Variants in SMAD6 observed in about 807,000 individuals in gnomAD.
SMAD6 encodes the protein MAD homolog 6.
Under a neutral mutation model 39.4 loss-of-function variants are expected in SMAD6, and 103 were observed. That is an observed-to-expected ratio of 2.62 (90% CI 2.23 to 3.08). SMAD6 has a LOEUF of 3.08. SMAD6 is among the 30% of genes most tolerant of loss of function. The probability of loss-of-function intolerance (pLI) is 0.00; values close to 1 mark genes in which losing one functional copy is unlikely to be tolerated. For missense variants in SMAD6, 1,104 were observed against 742.9 expected (o/e 1.49, Z -5.65); for synonymous variants, 445 against 353.3 (o/e 1.26, Z -2.91).
intron 3 of SMAD6, among the ~76,000 whole-genome samples, chr15:66,771,126 C>G (rs72758529): frequency 0.11 from 16,635 of 152,132 alleles, 961 homozygotes; most frequent in Middle Eastern, 0.16. Flanking sequence ...GACCGGTGAG[C>G]TGCAGGTGGA....
At chr15:66,722,639 C>T (rs1401443897) in intron 3 of SMAD6, among the ~76,000 whole-genome samples, 1 of 152,246 alleles carries the variant, frequency 6.6e-6, no homozygotes, top group Non-Finnish European at 1.5e-5. Flanking sequence ...GTATTTACTA[C>T]TCACATCAAT....
intron 3 of SMAD6, among the ~76,000 whole-genome samples, chr15:66,727,977 C>G (rs1170994668): frequency 6.6e-6 from 1 of 151,868 alleles, no homozygotes; most frequent in East Asian, 1.9e-4. Flanking sequence ...CTCAGCCTCC[C>G]CAAGTAGCTG....
chr15:66,771,878 G>T (rs529579344), intron 3 of SMAD6, among the ~76,000 whole-genome samples: 1 of 152,292 alleles, frequency 6.6e-6, no homozygotes, highest in African/African-American at 2.4e-5. Context: ...AGGGTAGAAT[G>T]CTTGAGTGTG....
rs4277298 is a variant in SMAD6 at position 66,775,159 on chromosome 15, G to C, written c.953-5838G>C. Among the ~76,000 whole-genome samples the C allele has an allele frequency of 0.015, 2,297 of 152,088 alleles. 113 individuals carry two copies. The East Asian group carries it at 0.18, about 12-fold the overall frequency. ...TTACAGGCATGAGCCACCATGCCTGGCCACTGTTCTGATTTACGTCGCCGT... is the reference window on the plus strand; with the variant it reads ...TTACAGGCATGAGCCACCATGCCTGCCCACTGTTCTGATTTACGTCGCCGT... On this transcript the variant is annotated intron_variant, in intron 3 of 3. Transcript: ENST00000288840.
In SMAD6 at chr15:66,713,093, G is replaced by A. The variant is rs77753639; in HGVS notation, c.874+1369G>A. 8.4e-3 allele frequency among the ~76,000 whole-genome samples: 1,281 copies of A among 152,314 alleles called. 25 individuals are homozygous for A. The highest frequency in any genetic ancestry group is 0.077 in the East Asian group (397 of 5,180). On this transcript the variant is annotated intron_variant, in intron 2 of 3. Coordinates refer to ENST00000288840, the MANE Select transcript of SMAD6 (RefSeq NM_005585.5). Reference sequence around the variant, plus strand: ...ATGGGTTCTAAGGCAGAGAAGTGATGGAATCTGTGGGATCCTGATTGTGGC... The same window carrying A: ...ATGGGTTCTAAGGCAGAGAAGTGATAGAATCTGTGGGATCCTGATTGTGGC...
intron 3 of SMAD6, among the ~76,000 whole-genome samples, chr15:66,773,737 G>A (rs1894418197): frequency 6.6e-6 from 1 of 152,192 alleles, no homozygotes; most frequent in Admixed American, 6.5e-5. Flanking sequence ...CCTGTGCAAA[G>A]GGGATTGGAA....
intron 3 of SMAD6, among the ~76,000 whole-genome samples, chr15:66,726,099 G>C (rs927702910): frequency 1.3e-5 from 2 of 152,186 alleles, no homozygotes; most frequent in Non-Finnish European, 2.9e-5. Flanking sequence ...TGGGCCCGAG[G>C]GATGTGCAGG....
intron 3 of SMAD6, among the ~76,000 whole-genome samples, chr15:66,719,106 G>A (rs1008509610): frequency 2.0e-5 from 3 of 152,242 alleles, no homozygotes; most frequent in Non-Finnish European, 4.4e-5. Flanking sequence ...AGACAGGTGT[G>A]ATTCTCCCCA....
intron 3 of SMAD6, among the ~76,000 whole-genome samples, chr15:66,741,781 A>C (rs1893819276): frequency 6.6e-6 from 1 of 151,624 alleles, no homozygotes; most frequent in African/African-American, 2.4e-5. Flanking sequence ...AGCTGTCACC[A>C]CTCCCTCACT....
At chr15:66,758,277 C>A (rs1394353571) in intron 3 of SMAD6, among the ~76,000 whole-genome samples, 1 of 152,246 alleles carries the variant, frequency 6.6e-6, no homozygotes, top group Non-Finnish European at 1.5e-5. Context: ...TCCTCTCTTT[C>A]TTCCCCATCC....
chr15:66,758,460 GCTTATGCCCGTAATCCCAGCA>G (rs1386633162), intron 3 of SMAD6, among the ~76,000 whole-genome samples: 1 of 152,210 alleles, frequency 6.6e-6, no homozygotes, highest in Non-Finnish European at 1.5e-5. Flanking sequence ...AGGTGTGGTG[GCTTATGCCCGTAATCCCAGCA>G]CTTTGGGAGG....
At position 66,703,243 on chromosome 15, in the gene SMAD6, C is replaced by T; in HGVS notation, c.-16C>T. 7.2e-7 allele frequency: 1 copy of T among 1,396,068 alleles called. No individual in the cohort carries two copies. The highest frequency in any genetic ancestry group is 9.4e-7 in the Non-Finnish European group (1 of 1,069,494). The allele number at this position is 1,396,068 out of a possible 1,614,324, so 86.5% of individuals were successfully genotyped here. On this transcript the variant is annotated 5_prime_UTR_variant, in exon 1 of 4. Transcript: ENST00000288840. ...GAGACCGCCTCCCCCCCACCCCTGGCGCCAAAGGATATCGTATGTTCAGGT... is the reference window on the plus strand; with the variant it reads ...GAGACCGCCTCCCCCCCACCCCTGGTGCCAAAGGATATCGTATGTTCAGGT...
Position 66,704,026 on chromosome 15 carries a change from C to G in SMAD6, c.768C>G (p.Gly256=), listed in dbSNP as rs770427556. The change falls in exon 1 of 4, where the codon GGC becomes GGG. Residue 256 remains glycine (G), a synonymous_variant. Coordinates refer to ENST00000288840, the MANE Select transcript of SMAD6 (RefSeq NM_005585.5). ...ACAGCTTCGCCGCCGCCGCCGACGG[C>G]CCTACCGTGTGCTGCAACCCCTACC... ...GCHSFAAAAD[G]PTVCCNPYHF... The G allele has an allele frequency of 8.6e-6, 13 of 1,511,572 alleles. No homozygotes were observed. Among genetic ancestry groups the G allele is most frequent in the Admixed American group, 2.0e-5 (1 of 49,354 alleles). The allele number at this position is 1,511,572 out of a possible 1,614,324, so 93.6% of individuals were successfully genotyped here.
intron 3 of SMAD6, among the ~76,000 whole-genome samples, chr15:66,758,238 T>C (rs1894137375): frequency 6.6e-6 from 1 of 152,204 alleles, no homozygotes; most frequent in South Asian, 2.1e-4. Flanking sequence ...ATTCTCTCTA[T>C]ATAGAATTTA....
intron 3 of SMAD6, among the ~76,000 whole-genome samples, chr15:66,778,764 G>A (rs917411895): frequency 2.0e-5 from 3 of 152,140 alleles, no homozygotes; most frequent in African/African-American, 4.8e-5. Context: ...GCACCAAGGC[G>A]GCCCCAGCAT....
intron 3 of SMAD6, among the ~76,000 whole-genome samples, chr15:66,750,363 A>G (rs1214079181): frequency 6.6e-6 from 1 of 152,226 alleles, no homozygotes; most frequent in African/African-American, 2.4e-5. Context: ...CTGTATGCTC[A>G]GAAGATTGGG....
intron 3 of SMAD6, among the ~76,000 whole-genome samples, chr15:66,750,153 C>T (rs1893978126): frequency 2.0e-5 from 3 of 152,240 alleles, no homozygotes; most frequent in Middle Eastern, 3.4e-3. Context: ...GGTTTGAAGT[C>T]TCTTTTTACA....
At chr15:66,757,947 C>G (rs771296789) in intron 3 of SMAD6, among the ~76,000 whole-genome samples, 1 of 152,188 alleles carries the variant, frequency 6.6e-6, no homozygotes, top group Non-Finnish European at 1.5e-5. Context: ...AGCACTTTCC[C>G]GTGGCCACCA....
chr15:66,775,910 G>T (rs182955562), intron 3 of SMAD6, among the ~76,000 whole-genome samples: 1 of 152,242 alleles, frequency 6.6e-6, no homozygotes, highest in African/African-American at 2.4e-5. Flanking sequence ...AGAGGCACAG[G>T]GGGAGGGGGC....
Sources: allele counts gnomAD v4.1 joint callset (sites outside exome capture counted in the v4.1 genomes callset), GRCh38; gene constraint gnomAD v4.1.1; transcripts MANE v1.5; gene names NCBI Gene and HGNC (gene_info 2026-07-23, HGNC 2026-07-21).